Variants in PRKX observed in about 807,000 individuals in gnomAD.
PRKX encodes cAMP-dependent protein kinase catalytic subunit PRKX.
Under a neutral mutation model 22.0 loss-of-function variants are expected in PRKX, and 12 were observed. That is an observed-to-expected ratio of 0.54 (90% confidence interval 0.35 to 0.88). The LOEUF is 0.88. Among genes scored for constraint, PRKX ranks in the 40% least tolerant of loss-of-function variants. PRKX has a pLI of 0.01. For missense variants in PRKX, 217 were observed against 308.0 expected, an observed-to-expected ratio of 0.70 and a Z score of 2.21; for synonymous variants, 134 against 137.7, an observed-to-expected ratio of 0.97 and a Z score of 0.19.
rs1290785654 is a variant in PRKX at position 3,696,137 on chromosome X, C to G, written c.166+16951G>C. Among the ~76,000 whole-genome samples, 3 of 109,983 alleles carry G rather than the reference C, an allele frequency of 2.7e-5. No individual in the cohort carries two copies. In the East Asian group the frequency reaches 8.7e-4, roughly 32 times the overall value. On this transcript the variant is annotated intron_variant, in intron 1 of 8. Coordinates refer to ENST00000262848, the MANE Select transcript of PRKX (RefSeq NM_005044.5). ...GATCAATGTCCTTATTAAAGGGACC[C>G]TAGAGAGCTCCCTCACCCTTTCCAC... is the stretch of plus-strand genomic sequence containing the variant.
Position 3,605,028 on chromosome X carries a change from C to T in PRKX, c.*3941G>A, listed in dbSNP as rs1926134373. 2 of 104,513 alleles carry T rather than the reference C, an allele frequency of 1.9e-5. No individual in the cohort carries two copies. Among genetic ancestry groups the T allele is most frequent in the Admixed American group, 1.0e-4 (1 of 9,675 alleles). 8.6% of individuals were successfully genotyped at this position (104,513 alleles called of 1,213,427 possible). On this transcript the variant is annotated 3_prime_UTR_variant, in exon 9 of 9. Transcript: ENST00000262848. The stretch of plus-strand genomic sequence containing the variant: ...CTTCACCAAGACACACACACACACA[C>T]ACACACACACACACACACACACACA...
rs1926152725 is a variant in PRKX, at chrX:3,605,648, T to A, written c.*3321A>T. 2.7e-5 allele frequency: 3 copies of A among 112,481 alleles called. No homozygotes were observed. Among genetic ancestry groups the A allele is most frequent in the South Asian group, 3.7e-4 (1 of 2,718 alleles). The allele number at this position is 112,481 out of a possible 1,213,427, so 9.3% of individuals were successfully genotyped here. On this transcript the variant is annotated 3_prime_UTR_variant, in exon 9 of 9. Transcript: ENST00000262848. ...GATTTCAAATGATTTGGTGTTTTTGTTCTTGTTTTTGCTTTTTCTTCAAAG... is the reference window on the plus strand; with the variant it reads ...GATTTCAAATGATTTGGTGTTTTTGATCTTGTTTTTGCTTTTTCTTCAAAG...
chrX:3,679,154 C>A (rs1281864207), intron 1 of PRKX, among the ~76,000 whole-genome samples: 3 of 111,580 alleles, frequency 2.7e-5, no homozygotes, highest in Non-Finnish European at 5.6e-5. Flanking sequence ...TTCTAATGAT[C>A]CCGTTGCCCA....
At chrX:3,612,371 G>C (rs773575281) in intron 7 of PRKX, 46 bp from the exon 8 acceptor site, 9 of 1,168,988 alleles carry the variant, frequency 7.7e-6, no homozygotes, top group Non-Finnish European at 1.0e-5. Flanking sequence ...GAAAGGGACG[G>C]GACACTTGGA....
At chrX:3,635,649 G>A (rs1926872465) in intron 4 of PRKX, among the ~76,000 whole-genome samples, 2 of 110,949 alleles carry the variant, frequency 1.8e-5, no homozygotes, top group African/African-American at 3.3e-5. Context: ...GTGCACTGGT[G>A]CAATCTCAGC....
chrX:3,628,074 G>A lies in PRKX; in HGVS notation c.720-1560C>T, dbSNP rs771689559. 5.4e-5 allele frequency among the ~76,000 whole-genome samples: 6 copies of A among 111,563 alleles called. No individual in the cohort carries two copies. The East Asian group carries it at 1.7e-3, about 32-fold the overall frequency. On this transcript the variant is annotated intron_variant, in intron 4 of 8. Transcript: ENST00000262848. Reference sequence around the variant, plus strand: ...TAGAATACTATTCAGCCATGAAAAGGAATACAATCCTCTGACTGGCAGCAA... The same window carrying A: ...TAGAATACTATTCAGCCATGAAAAGAAATACAATCCTCTGACTGGCAGCAA...
intron 1 of PRKX, among the ~76,000 whole-genome samples, chrX:3,691,881 G>A (rs1312338053): frequency 9.0e-6 from 1 of 110,535 alleles, no homozygotes; most frequent in Non-Finnish European, 1.9e-5. Context: ...TGACTGGATG[G>A]ATGGATGGAT....
At chrX:3,632,378 C>T (rs1254391729) in intron 4 of PRKX, among the ~76,000 whole-genome samples, 4 of 111,067 alleles carry the variant, frequency 3.6e-5, no homozygotes, top group Non-Finnish European at 5.7e-5. Flanking sequence ...CTCCCGAGCC[C>T]GTCCTCCCTC....
chrX:3,641,243 A>AC (rs1157066904), intron 4 of PRKX, among the ~76,000 whole-genome samples: 2 of 110,956 alleles, frequency 1.8e-5, no homozygotes, highest in African/African-American at 3.3e-5. Flanking sequence ...GTGGGTCGGG[A>AC]CCCCTTTCCT....
At chrX:3,615,679 C>A in intron 7 of PRKX, 136 bp downstream of exon 7, 1 of 550,085 alleles carries the variant, frequency 1.8e-6, no homozygotes, top group South Asian at 3.4e-5. Context: ...GGCTTATGAA[C>A]AGTTTTAGAC....
intron 2 of PRKX, among the ~76,000 whole-genome samples, chrX:3,672,214 T>C (rs1927861352): frequency 9.0e-6 from 1 of 110,595 alleles, no homozygotes; most frequent in Admixed American, 9.7e-5. Context: ...TCTATATATA[T>C]ACTTTTTTAT....
At chrX:3,645,555 G>A (rs747656708) in intron 3 of PRKX, among the ~76,000 whole-genome samples, 8 of 112,283 alleles carry the variant, frequency 7.1e-5, no homozygotes, top group African/African-American at 2.3e-4. Context: ...TTTTGGGATC[G>A]TGAAAATGTT....
chrX:3,638,220 A>C (rs1157579222), intron 4 of PRKX, among the ~76,000 whole-genome samples: 1 of 111,284 alleles, frequency 9.0e-6, no homozygotes, highest in Non-Finnish European at 1.9e-5. Context: ...TAAGAGTGTA[A>C]TATTCTATTC....
intron 4 of PRKX, among the ~76,000 whole-genome samples, chrX:3,630,540 A>T (rs1224817270): frequency 8.9e-6 from 1 of 111,907 alleles, no homozygotes; most frequent in Non-Finnish European, 1.9e-5. Context: ...AGCCTGGGCG[A>T]CAGAGCAAGA....
In PRKX at chrX:3,604,398, C is replaced by T. The variant is rs747818969; in HGVS notation, c.*4571G>A. On this transcript the variant is annotated 3_prime_UTR_variant, in exon 9 of 9. Coordinates refer to ENST00000262848, the MANE Select transcript of PRKX (RefSeq NM_005044.5). ...TGAAAAGATACAAAGTTTTATTAAA[C>T]AAACCTGGAATCAACAGTATTATTA... is the stretch of plus-strand genomic sequence containing the variant. 1.8e-5 allele frequency: 2 copies of T among 113,021 alleles called. No homozygotes were observed. Among genetic ancestry groups the T allele is most frequent in the East Asian group, 2.8e-4 (1 of 3,610 alleles). 9.3% of individuals were successfully genotyped at this position (113,021 alleles called of 1,213,427 possible).
intron 4 of PRKX, among the ~76,000 whole-genome samples, chrX:3,639,965 G>A (rs1927036999): frequency 9.0e-6 from 1 of 111,446 alleles, no homozygotes; most frequent in Non-Finnish European, 1.9e-5. Flanking sequence ...CCCACCAGCA[G>A]GACCTGGCTT....
rs1201795979 is a variant in PRKX, at chrX:3,681,712, AT to A, written c.167-6947del. Among the ~76,000 whole-genome samples, 4 of 105,870 alleles carry A rather than the reference AT, an allele frequency of 3.8e-5. No individual in the cohort carries two copies. The Admixed American group carries it at 4.0e-4, about 11-fold the overall frequency. The allele number at this position is 105,870 out of a possible 115,157, so 91.9% of individuals were successfully genotyped here. A position where few individuals can be genotyped will look rare whatever the true frequency, so the allele number is the denominator to read the frequency against. ...TGGTTCAAAAATCTAAAGAGAAATA[AT>A]TTTTTTAAATGTACAAAGCGAGGTA... On this transcript the variant is annotated intron_variant, in intron 1 of 8. Coordinates refer to ENST00000262848, the MANE Select transcript of PRKX (RefSeq NM_005044.5).
chrX:3,667,140 G>A (rs1319173767), intron 2 of PRKX: 1 of 111,390 alleles, frequency 9.0e-6, no homozygotes, highest in African/African-American at 3.3e-5. Context: ...GACCTCAGCT[G>A]AGCAGCTCTG....
At position 3,713,595 on chromosome X, in the gene PRKX, G is replaced by A. The variant is rs1216181323; in HGVS notation, c.-342C>T. On this transcript the variant is annotated 5_prime_UTR_variant, in exon 1 of 9. Transcript: ENST00000262848. ...GCGCATTCCGGGTCTCGCGCCCGCC[G>A]CCTCCTCCAGCTCGGTAGCCGCGTG... The A allele has an allele frequency of 2.1e-5, 3 of 139,570 alleles. No individual in the cohort carries two copies. The highest frequency in any genetic ancestry group is 4.2e-5 in the Non-Finnish European group (3 of 71,128). 11.5% of individuals were successfully genotyped at this position (139,570 alleles called of 1,213,427 possible).
Sources: gnomAD v4.1 joint callset for allele counts (sites outside exome capture counted in the v4.1 genomes callset) on GRCh38, gnomAD v4.1.1 for gene constraint, MANE v1.5 for transcripts, NCBI Gene and HGNC (gene_info 2026-07-23, HGNC 2026-07-21) for gene names.